The following PRDM16 variants were observed in gnomAD, a reference collection of about 807,000 sequenced individuals.
PRDM16 encodes PR/SET domain 16.
Under a neutral mutation model 110.6 loss-of-function variants are expected in PRDM16, and 23 were observed. The observed-to-expected ratio is 0.21, with a 90% CI of 0.15 to 0.29. The LOEUF (loss-of-function observed/expected upper bound fraction) is 0.29. Among genes scored for constraint, PRDM16 ranks in the 10% least tolerant of loss-of-function variants. The pLI is 1.00. For synonymous variants in PRDM16, 799 were observed against 781.8 expected (o/e 1.02, Z -0.37); for missense variants, 1,615 against 1,794.3 (o/e 0.90, Z 1.81).
rs1160303665 is a variant in PRDM16 at position 3,143,127 on chromosome 1, A to G, written c.38-42998A>G. Among the ~76,000 whole-genome samples the G allele has an allele frequency of 6.6e-6, 1 of 152,190 alleles. No individual in the cohort carries two copies. The highest frequency in any genetic ancestry group is 1.5e-5 in the Non-Finnish European group (1 of 68,038). On this transcript the variant is annotated intron_variant, in intron 1 of 16. Transcript: ENST00000270722. The surrounding 1 kb of genome is among the most constrained non-coding windows in gnomAD (Gnocchi z 4.5). ...TCAGTCGCCTGTCATTTAAAATGAA[A>G]GTAAGAAGGGAGACCTTGTGGCAAC...
At chr1:3,346,074 A>G (rs984452267) in intron 3 of PRDM16, among the ~76,000 whole-genome samples, 1 of 152,256 alleles carries the variant, frequency 6.6e-6, no homozygotes. Context: ...AACACCCACA[A>G]TGTGGGCTTT....
chr1:3,230,441 G>C (rs1639380531), intron 2 of PRDM16, among the ~76,000 whole-genome samples: 3 of 152,234 alleles, frequency 2.0e-5, no homozygotes, highest in African/African-American at 4.8e-5. Context: ...CCAGAGAAGA[G>C]ACCCTTCCCC....
At chr1:3,320,712 G>A (rs1641720618) in intron 3 of PRDM16, among the ~76,000 whole-genome samples, 1 of 152,208 alleles carries the variant, frequency 6.6e-6, no homozygotes, top group African/African-American at 2.4e-5. Context: ...GTCCTCCTGA[G>A]ATAAGGCCAA....
intron 3 of PRDM16, among the ~76,000 whole-genome samples, chr1:3,252,470 A>C (rs1639955904): frequency 6.6e-6 from 1 of 152,152 alleles, no homozygotes; most frequent in South Asian, 2.1e-4. Context: ...TCATGTGCCC[A>C]GTGGGGGCCG....
intron 1 of PRDM16, among the ~76,000 whole-genome samples, chr1:3,152,314 A>C (rs1053915258): frequency 1.4e-5 from 2 of 145,470 alleles, no homozygotes; most frequent in African/African-American, 5.1e-5. Context: ...TCATCCATCC[A>C]TCCATCCATC....
At chr1:3,251,397 TG>T (rs907233569) in intron 3 of PRDM16, among the ~76,000 whole-genome samples, 1 of 152,164 alleles carries the variant, frequency 6.6e-6, no homozygotes, top group Non-Finnish European at 1.5e-5. Context: ...GGCACAGCTC[TG>T]GGCACCCGGC....
intron 2 of PRDM16, among the ~76,000 whole-genome samples, chr1:3,219,184 G>A (rs1014034369): frequency 2.0e-5 from 3 of 152,222 alleles, no homozygotes; most frequent in Non-Finnish European, 4.4e-5. Context: ...GCCGACAAAC[G>A]GCTCCCTCGG....
chr1:3,407,315 G>T (rs1643579134), intron 8 of PRDM16, among the ~76,000 whole-genome samples: 1 of 152,206 alleles, frequency 6.6e-6, no homozygotes, highest in Non-Finnish European at 1.5e-5. Flanking sequence ...CCTAACCTGG[G>T]CCACATGCCC....
At chr1:3,372,288 C>A (rs1486183826) in intron 3 of PRDM16, among the ~76,000 whole-genome samples, 1 of 152,272 alleles carries the variant, frequency 6.6e-6, no homozygotes, top group African/African-American at 2.4e-5. Context: ...AAAGGCCCTG[C>A]TTCCCATGGC....
intron 3 of PRDM16, among the ~76,000 whole-genome samples, chr1:3,322,219 A>C (rs984472805): frequency 6.7e-5 from 10 of 148,898 alleles, no homozygotes; most frequent in Middle Eastern, 3.5e-3. Context: ...GTGTGTGAGC[A>C]TGTGCACGTG....
chr1:3,176,768 C>A (rs115682483), intron 1 of PRDM16, among the ~76,000 whole-genome samples: 4,080 of 150,588 alleles, frequency 0.027, 206 homozygotes, highest in African/African-American at 0.094. Context: ...ATCCCTCCAT[C>A]CATCCATCCC....
chr1:3,275,314 G>A (rs1640557819), intron 3 of PRDM16, among the ~76,000 whole-genome samples: 1 of 152,220 alleles, frequency 6.6e-6, no homozygotes, highest in Admixed American at 6.5e-5. Context: ...GGATCAACCG[G>A]ATATCGGGAA....
At chr1:3,277,350 C>A (rs755927352) in intron 3 of PRDM16, among the ~76,000 whole-genome samples, 2 of 152,226 alleles carry the variant, frequency 1.3e-5, no homozygotes, top group African/African-American at 4.8e-5. Context: ...ATCCACCATG[C>A]CCACCTCAGA....
At chr1:3,180,573 C>A (rs1016713403) in intron 1 of PRDM16, among the ~76,000 whole-genome samples, 1 of 152,164 alleles carries the variant, frequency 6.6e-6, no homozygotes, top group Non-Finnish European at 1.5e-5. Context: ...AAGACCCAGG[C>A]CAGCATCAGG....
chr1:3,249,770 A>T (rs1030580506), intron 3 of PRDM16, among the ~76,000 whole-genome samples: 1 of 152,238 alleles, frequency 6.6e-6, no homozygotes, highest in African/African-American at 2.4e-5. Context: ...CCCTTTGACA[A>T]CATGTCTCTC....
Position 3,246,351 on chromosome 1 carries a change from C to G in PRDM16, c.438+2214C>G, listed in dbSNP as rs556995619. 1.3e-5 allele frequency among the ~76,000 whole-genome samples: 2 copies of G among 152,330 alleles called. No homozygotes were observed. The highest frequency in any genetic ancestry group is 1.3e-4 in the Admixed American group (2 of 15,308). ...GGCCCTTGGAAAGCAGGTTGAGAACCTTGGGTCGGGCTGAGGAGTCTCAGG... is the reference window on the plus strand; with the variant it reads ...GGCCCTTGGAAAGCAGGTTGAGAACGTTGGGTCGGGCTGAGGAGTCTCAGG... On this transcript the variant is annotated intron_variant, in intron 3 of 16. Coordinates refer to ENST00000270722, the MANE Select transcript of PRDM16 (RefSeq NM_022114.4). This position sits in a 1 kb window ranked among gnomAD's most constrained non-coding sequence, Gnocchi z 5.2.
chr1:3,302,943 G>A (rs1234379652), intron 3 of PRDM16, among the ~76,000 whole-genome samples: 1 of 152,136 alleles, frequency 6.6e-6, no homozygotes, highest in African/African-American at 2.4e-5. Context: ...ATCTTAGCAA[G>A]TAGGCAAATT....
Position 3,432,151 on chromosome 1 carries a change from G to T in PRDM16, c.3696+11G>T. The T allele has an allele frequency of 6.2e-7, 1 of 1,609,432 alleles. No individual in the cohort carries two copies. The highest frequency in any genetic ancestry group is 8.5e-7 in the Non-Finnish European group (1 of 1,177,330). On this transcript the variant is annotated intron_variant, in intron 16 of 16. Transcript: ENST00000270722. ...CAGGCTAAGAACCAGGTAGGTACCC[G>T]CCAGAGCCCCTCCCCCACCCCACCT...
chr1:3,239,592 G>C (rs1049635830), intron 2 of PRDM16, among the ~76,000 whole-genome samples: 2 of 152,194 alleles, frequency 1.3e-5, no homozygotes, highest in Non-Finnish European at 2.9e-5. Flanking sequence ...CTTTTAGCAG[G>C]TTCTAGACTC....
Sources: allele counts gnomAD v4.1 joint callset (sites outside exome capture counted in the v4.1 genomes callset), GRCh38; gene constraint gnomAD v4.1.1; non-coding constraint Gnocchi (gnomAD v3.1); transcripts MANE v1.5; gene names NCBI Gene and HGNC (gene_info 2026-07-23, HGNC 2026-07-21).